BTBD9: variants seen among roughly 807,000 people sequenced by gnomAD.
BTBD9 encodes the protein BTB/POZ domain-containing protein 9.
A neutral mutation model predicts 64.3 loss-of-function variants in BTBD9; 49 were observed. The ratio of observed to expected loss-of-function variants is 0.76; its 90% CI spans 0.61 to 0.97. The LOEUF (loss-of-function observed/expected upper bound fraction) is 0.97, where lower values mean the gene tolerates loss of function less well. Among genes scored for constraint, BTBD9 ranks in the 50% least tolerant of loss-of-function variants. BTBD9 has a pLI of 0.00. For missense variants in BTBD9, 598 were observed against 762.1 expected, an observed-to-expected ratio of 0.78 and a Z score of 2.53; for synonymous variants, 260 against 274.7, an observed-to-expected ratio of 0.95 and a Z score of 0.53.
At chr6:38,187,628 G>C (rs10807190) in intron 10 of BTBD9, among the ~76,000 whole-genome samples, 101,495 of 151,836 alleles carry the variant, frequency 0.67, 35,115 homozygotes, top group Non-Finnish European at 0.74. Context: ...GAAGCACACA[G>C]TGGGGGGGAG....
At chr6:38,358,025 T>TTC (rs914028967) in intron 6 of BTBD9, among the ~76,000 whole-genome samples, 17 of 151,596 alleles carry the variant, frequency 1.1e-4, no homozygotes, top group African/African-American at 3.4e-4. Flanking sequence ...GTCTCTCTCT[T>TTC]TCTCTCTCTC....
intron 9 of BTBD9, among the ~76,000 whole-genome samples, chr6:38,216,445 C>A (rs551641769): frequency 6.6e-6 from 1 of 152,278 alleles, no homozygotes; most frequent in South Asian, 2.1e-4. Flanking sequence ...AAGCCTTCTG[C>A]AGAAATGGAA....
chr6:38,600,288 T>C (rs1456246017), intron 1 of BTBD9, among the ~76,000 whole-genome samples: 1 of 152,156 alleles, frequency 6.6e-6, no homozygotes, highest in Non-Finnish European at 1.5e-5. Flanking sequence ...CATGGCTATC[T>C]CCAGTAAAAC....
At chr6:38,269,846 C>T (rs1478208542) in intron 8 of BTBD9, among the ~76,000 whole-genome samples, 1 of 152,146 alleles carries the variant, frequency 6.6e-6, no homozygotes, top group Non-Finnish European at 1.5e-5. Context: ...TAGAAATAAC[C>T]CTCCCAGGTG....
chr6:38,176,948 C>A (rs10947714), intron 10 of BTBD9, among the ~76,000 whole-genome samples: 95,723 of 151,768 alleles, frequency 0.63, 32,241 homozygotes, highest in Non-Finnish European at 0.78. Flanking sequence ...TCCTCAACAC[C>A]CCCCCCACTA....
chr6:38,575,849 G>A (rs1775999947), intron 6 of BTBD9, among the ~76,000 whole-genome samples: 2 of 151,894 alleles, frequency 1.3e-5, no homozygotes, highest in South Asian at 4.2e-4. Flanking sequence ...CATGAATACA[G>A]CCAGTCTCTA....
At chr6:38,623,348 G>A (rs1169333270) in intron 1 of BTBD9, among the ~76,000 whole-genome samples, 1 of 152,174 alleles carries the variant, frequency 6.6e-6, no homozygotes, top group Non-Finnish European at 1.5e-5. Context: ...TATAGGGATA[G>A]GAATGGCCAC....
At chr6:38,543,723 C>T (rs768855410) in intron 6 of BTBD9, among the ~76,000 whole-genome samples, 7 of 151,954 alleles carry the variant, frequency 4.6e-5, no homozygotes, top group Non-Finnish European at 1.0e-4. Flanking sequence ...TTTGGGAGGC[C>T]GAGACGGGCG....
chr6:38,370,718 C>T (rs1219227267), intron 6 of BTBD9, among the ~76,000 whole-genome samples: 4 of 152,162 alleles, frequency 2.6e-5, no homozygotes, highest in Admixed American at 1.3e-4. Flanking sequence ...AATAAAGATG[C>T]TACAGCAGCA....
chr6:38,415,266 T>G (rs1336538814), intron 6 of BTBD9, among the ~76,000 whole-genome samples: 1 of 152,086 alleles, frequency 6.6e-6, no homozygotes, highest in Non-Finnish European at 1.5e-5. Flanking sequence ...GACTTTAAAA[T>G]GGGGAGATTA....
intron 8 of BTBD9, among the ~76,000 whole-genome samples, chr6:38,268,927 A>G (rs1164973743): frequency 6.6e-6 from 1 of 152,174 alleles, no homozygotes; most frequent in Non-Finnish European, 1.5e-5. Context: ...GGACAATGAA[A>G]TGCTGTCTCT....
chr6:38,513,186 T>C (rs569986549), intron 6 of BTBD9, among the ~76,000 whole-genome samples: 16 of 152,310 alleles, frequency 1.1e-4, no homozygotes, highest in East Asian at 7.7e-4. Flanking sequence ...CTGGATGCAG[T>C]GGCTCATGCC....
At chr6:38,510,412 G>T (rs1485362728) in intron 6 of BTBD9, among the ~76,000 whole-genome samples, 1 of 152,202 alleles carries the variant, frequency 6.6e-6, no homozygotes, top group African/African-American at 2.4e-5. Flanking sequence ...TTCTAGGTGA[G>T]TCAGCGAGTG....
At chr6:38,366,906 T>A (rs989161627) in intron 6 of BTBD9, among the ~76,000 whole-genome samples, 1 of 152,218 alleles carries the variant, frequency 6.6e-6, no homozygotes, top group Non-Finnish European at 1.5e-5. Context: ...TTTGGTTAGG[T>A]AAGGTAAGCA....
At chr6:38,450,128 G>A (rs1400805283) in intron 6 of BTBD9, among the ~76,000 whole-genome samples, 2 of 152,170 alleles carry the variant, frequency 1.3e-5, no homozygotes, top group Middle Eastern at 3.2e-3. Context: ...GGATAAGTCT[G>A]AAGAACATTA....
At chr6:38,472,243 T>C (rs990108058) in intron 6 of BTBD9, among the ~76,000 whole-genome samples, 3 of 152,178 alleles carry the variant, frequency 2.0e-5, no homozygotes, top group Non-Finnish European at 2.9e-5. Context: ...AGTGCAAATA[T>C]ATAACATATT....
At chr6:38,322,492 T>C (rs16890552) in intron 7 of BTBD9, among the ~76,000 whole-genome samples, 15,146 of 152,188 alleles carry the variant, frequency 0.1, 1,784 homozygotes, top group East Asian at 0.4. Context: ...AAATCTGCAA[T>C]TGGGGAACCA....
chr6:38,619,278 C>G (rs1159266955), intron 1 of BTBD9, among the ~76,000 whole-genome samples: 2 of 152,074 alleles, frequency 1.3e-5, no homozygotes, highest in African/African-American at 4.8e-5. Context: ...AACCTGGCAA[C>G]CTTGGTATTC....
intron 9 of BTBD9, among the ~76,000 whole-genome samples, chr6:38,210,536 T>TTGTGTGTGTGTGTGTGTGTGTGTGTG (rs71542165): frequency 2.7e-5 from 4 of 146,348 alleles, no homozygotes; most frequent in African/African-American, 5.1e-5. Context: ...GTGCGTGTGT[T>TTGTGTGTGTGTGTGTGTGTGTGTGTG]TGTGTGTGTG....
Sources: allele counts gnomAD v4.1 joint callset (sites outside exome capture counted in the v4.1 genomes callset), GRCh38; gene constraint gnomAD v4.1.1; transcripts MANE v1.5; gene names NCBI Gene and HGNC (gene_info 2026-07-23, HGNC 2026-07-21).